FRMPD4: variants seen among roughly 807,000 people sequenced by gnomAD.
The protein encoded by FRMPD4 is FERM and PDZ domain-containing protein 4.
In FRMPD4, 22 loss-of-function variants were observed where a neutral mutation model predicts 94.1. The observed-to-expected ratio is 0.23, with a 90% CI of 0.17 to 0.33. FRMPD4 has a LOEUF of 0.33. Among genes scored for constraint, FRMPD4 ranks in the 10% least tolerant of loss-of-function variants. FRMPD4 has a pLI of 1.00. For missense variants in FRMPD4, 1,111 were observed against 1,339.9 expected, an observed-to-expected ratio of 0.83 and a Z score of 2.67; for synonymous variants, 631 against 548.6, an observed-to-expected ratio of 1.15 and a Z score of -2.10.
intron 1 of FRMPD4, among the ~76,000 whole-genome samples, chrX:12,270,300 T>A (rs906511400): frequency 8.9e-6 from 1 of 112,277 alleles, no homozygotes; most frequent in Non-Finnish European, 1.9e-5. Context: ...TTCTTTAATT[T>A]ATCTTGGATG....
chrX:12,562,432 C>A (rs1422967515), intron 2 of FRMPD4, among the ~76,000 whole-genome samples: 1 of 112,138 alleles, frequency 8.9e-6, no homozygotes, highest in Non-Finnish European at 1.9e-5. Flanking sequence ...CTATTTCCCT[C>A]ATCCAGACAA....
At chrX:12,053,390 GAAA>G (rs2054832796) in intron 3 of FRMPD4, among the ~76,000 whole-genome samples, 1 of 83,784 alleles carries the variant, frequency 1.2e-5, no homozygotes, top group Non-Finnish European at 2.4e-5. Flanking sequence ...AAGAAAGAAA[GAAA>G]GAAAGAAAGA....
chrX:12,609,130 A>G (rs886230327), intron 2 of FRMPD4, among the ~76,000 whole-genome samples: 1 of 112,476 alleles, frequency 8.9e-6, no homozygotes, highest in Non-Finnish European at 1.9e-5. Context: ...AAATATATTT[A>G]TTAATCATTA....
chrX:12,030,439 G>A lies in FRMPD4; in HGVS notation c.95+152421G>A, dbSNP rs941050946. 7.2e-5 allele frequency among the ~76,000 whole-genome samples: 8 copies of A among 111,594 alleles called. No homozygotes were observed. The East Asian group carries it at 2.3e-3, about 31-fold the overall frequency. ...TTTGTGGGGGGGAGGTCCCGATGCT[G>A]GTCATCAACTTGGAAACCCTCATCT... On this transcript the variant is annotated intron_variant, in intron 3 of 18. Coordinates refer to the FRMPD4 transcript ENST00000640291.
chrX:12,031,518 TCTC>T (rs1283752867), intron 3 of FRMPD4, among the ~76,000 whole-genome samples: 9 of 111,591 alleles, frequency 8.1e-5, no homozygotes, highest in African/African-American at 2.9e-4. Context: ...GGTCAGTGAT[TCTC>T]AACCAGGGAT....
chrX:11,992,572 A>T (rs2054470858), intron 3 of FRMPD4, among the ~76,000 whole-genome samples: 1 of 111,578 alleles, frequency 9.0e-6, no homozygotes, highest in African/African-American at 3.3e-5. Context: ...GAGAACTTGG[A>T]GCAAAGGGAT....
chrX:12,463,700 T>TTG (rs2057419569), intron 1 of FRMPD4, among the ~76,000 whole-genome samples: 1 of 98,213 alleles, frequency 1.0e-5, no homozygotes, highest in African/African-American at 3.7e-5. Flanking sequence ...TTGTTTTTGT[T>TTG]TTTTTTTTTT....
chrX:12,299,034 T>C (rs763529274), intron 1 of FRMPD4, among the ~76,000 whole-genome samples: 2 of 112,038 alleles, frequency 1.8e-5, no homozygotes, highest in African/African-American at 6.5e-5. Flanking sequence ...AATAAACATC[T>C]AAGAATAAAT....
At chrX:12,280,534 G>A (rs1232988406) in intron 1 of FRMPD4, among the ~76,000 whole-genome samples, 2 of 110,635 alleles carry the variant, frequency 1.8e-5, no homozygotes, top group East Asian at 2.8e-4. Flanking sequence ...TAATGAACAG[G>A]GTTAATCCAC....
At chrX:12,514,946 G>A (rs1478691774) in intron 2 of FRMPD4, among the ~76,000 whole-genome samples, 1 of 111,704 alleles carries the variant, frequency 9.0e-6, no homozygotes, top group Non-Finnish European at 1.9e-5. Flanking sequence ...TCAGTCTTGG[G>A]AGGGTGTATA....
chrX:12,148,054 A>G (rs1290073093), intron 1 of FRMPD4, among the ~76,000 whole-genome samples: 1 of 111,943 alleles, frequency 8.9e-6, no homozygotes, highest in Non-Finnish European at 1.9e-5. Flanking sequence ...AACAATATTG[A>G]AATCAGGCCA....
intron 1 of FRMPD4, among the ~76,000 whole-genome samples, chrX:11,850,150 C>T (rs993200199): frequency 2.7e-5 from 3 of 112,297 alleles, no homozygotes; most frequent in African/African-American, 9.7e-5. Flanking sequence ...AGAAGACATA[C>T]AAATGACCAA....
At chrX:12,551,326 TATC>T (rs2058535016) in intron 2 of FRMPD4, among the ~76,000 whole-genome samples, 1 of 110,830 alleles carries the variant, frequency 9.0e-6, no homozygotes, top group African/African-American at 3.3e-5. Flanking sequence ...AAAGCTTAGA[TATC>T]ATGTCATTTT....
intron 4 of FRMPD4, among the ~76,000 whole-genome samples, chrX:12,637,438 G>A (rs1471327422): frequency 1.8e-5 from 2 of 112,458 alleles, no homozygotes; most frequent in Non-Finnish European, 3.8e-5. Context: ...GGGAGGCTGA[G>A]GTGGAAGGAT....
rs372998343 is a variant in FRMPD4, at chrX:12,122,765, C to T, written c.95+244747C>T. ...CCACCAGGGGCCAGGTGTTCAAATACAAGTATATATGGGCCTACAGTTAAG... is the reference window on the plus strand; with the variant it reads ...CCACCAGGGGCCAGGTGTTCAAATATAAGTATATATGGGCCTACAGTTAAG... On this transcript the variant is annotated intron_variant, in intron 3 of 18. Coordinates refer to the FRMPD4 transcript ENST00000640291. Among the ~76,000 whole-genome samples the T allele has an allele frequency of 8.9e-4, 99 of 111,250 alleles. 1 individual carries two copies. The East Asian group carries it at 0.025, about 28-fold the overall frequency.
At chrX:12,087,839 G>T (rs961547655) in intron 3 of FRMPD4, among the ~76,000 whole-genome samples, 7 of 112,093 alleles carry the variant, frequency 6.2e-5, no homozygotes, top group African/African-American at 2.3e-4. Flanking sequence ...TAGTTTGAAG[G>T]GAACAATTGG....
At position 12,423,171 on chromosome X, in the gene FRMPD4, T is replaced by G. The variant is rs571083246; in HGVS notation, c.42-75509T>G. On this transcript the variant is annotated intron_variant, in intron 1 of 16. Transcript: ENST00000675598. ...AAAAATTCCGGCTCCTGAAGTGTTG[T>G]TGCAGTGAGCCGAACCAAGATCGCG... 3.6e-5 allele frequency among the ~76,000 whole-genome samples: 4 copies of G among 110,678 alleles called. No individual in the cohort carries two copies. The South Asian group carries it at 1.2e-3, about 33-fold the overall frequency.
chrX:12,520,901 G>A (rs2058155216), intron 2 of FRMPD4, among the ~76,000 whole-genome samples: 2 of 111,822 alleles, frequency 1.8e-5, no homozygotes, highest in African/African-American at 6.5e-5. Flanking sequence ...GGAAGAGATG[G>A]TTTTCTAATG....
At chrX:11,983,604 A>G (rs1377248607) in intron 3 of FRMPD4, among the ~76,000 whole-genome samples, 3 of 111,437 alleles carry the variant, frequency 2.7e-5, no homozygotes, top group Non-Finnish European at 3.8e-5. Flanking sequence ...CAATATATTT[A>G]TTATATTTAA....
Sources: gnomAD v4.1 joint callset for allele counts (sites outside exome capture counted in the v4.1 genomes callset) on GRCh38, gnomAD v4.1.1 for gene constraint, MANE v1.5 for transcripts, NCBI Gene and HGNC (gene_info 2026-07-23, HGNC 2026-07-21) for gene names.